PPM1L: variants seen among roughly 807,000 people sequenced by gnomAD.
The protein encoded by PPM1L is protein phosphatase 1L.
Under a neutral mutation model 31.4 loss-of-function variants are expected in PPM1L, and 13 were observed. The observed-to-expected ratio is 0.41, with a 90% CI of 0.27 to 0.66. PPM1L has a LOEUF of 0.66. Ranked by LOEUF, PPM1L falls within the 30% of genes least tolerant of loss-of-function variation. The pLI is 0.29. For missense variants in PPM1L, 326 were observed against 453.7 expected (o/e 0.72, Z 2.56); for synonymous variants, 184 against 175.4 (o/e 1.05, Z -0.39).
rs550397805 is a variant in PPM1L at position 160,769,399 on chromosome 3, T to C, written c.399+12692T>C. On this transcript the variant is annotated intron_variant, in intron 1 of 3. Transcript: ENST00000498165. ...GACTTCAGAAAAGAGTAAACCTTCTTATTTTTGGATTGTCTTAGGGATGGT... is the reference window on the plus strand; with the variant it reads ...GACTTCAGAAAAGAGTAAACCTTCTCATTTTTGGATTGTCTTAGGGATGGT... 2.6e-5 allele frequency among the ~76,000 whole-genome samples: 4 copies of C among 152,292 alleles called. No homozygotes were observed. The South Asian group carries it at 8.3e-4, about 32-fold the overall frequency.
At chr3:160,927,436 A>G (rs1194529829) in intron 1 of PPM1L, among the ~76,000 whole-genome samples, 1 of 152,228 alleles carries the variant, frequency 6.6e-6, no homozygotes, top group Non-Finnish European at 1.5e-5. Context: ...AAAAAACCCT[A>G]CATAGCATTT....
At chr3:161,042,267 A>T (rs1055786528) in intron 2 of PPM1L, among the ~76,000 whole-genome samples, 1 of 152,194 alleles carries the variant, frequency 6.6e-6, no homozygotes, top group Non-Finnish European at 1.5e-5. Flanking sequence ...TTTGTTTCTG[A>T]GTTCACAACA....
intron 2 of PPM1L, among the ~76,000 whole-genome samples, chr3:160,979,090 G>A (rs190735553): frequency 6.6e-6 from 1 of 152,074 alleles, no homozygotes; most frequent in East Asian, 1.9e-4. Flanking sequence ...GGCTCAACAG[G>A]ACAGGATCCT....
At position 160,811,507 on chromosome 3, in the gene PPM1L, C is replaced by T. The variant is rs58943821; in HGVS notation, c.399+54800C>T. Among the ~76,000 whole-genome samples the T allele has an allele frequency of 5.8e-4, 89 of 152,350 alleles. No individual in the cohort carries two copies. The East Asian group carries it at 0.013, about 22-fold the overall frequency. On this transcript the variant is annotated intron_variant, in intron 1 of 3. Coordinates refer to ENST00000498165, the MANE Select transcript of PPM1L (RefSeq NM_139245.4). Reference sequence around the variant, plus strand: ...AATATTCAACAGAAAACCTATGTGACTCAAAAAGCCTAAAATATTCTCTAT... The same window carrying T: ...AATATTCAACAGAAAACCTATGTGATTCAAAAAGCCTAAAATATTCTCTAT...
chr3:160,862,739 T>C (rs1314456538), intron 1 of PPM1L, among the ~76,000 whole-genome samples: 7 of 148,760 alleles, frequency 4.7e-5, no homozygotes, highest in Non-Finnish European at 1.0e-4. Flanking sequence ...AAATCCCCAG[T>C]GAGTTTCAAT....
At chr3:161,029,010 C>T (rs1328295668) in intron 2 of PPM1L, among the ~76,000 whole-genome samples, 1 of 152,164 alleles carries the variant, frequency 6.6e-6, no homozygotes, top group Non-Finnish European at 1.5e-5. Context: ...CCTTTAAGCA[C>T]TTATGGTGAG....
At chr3:160,935,867 A>G (rs1293889600) in intron 1 of PPM1L, among the ~76,000 whole-genome samples, 1 of 152,242 alleles carries the variant, frequency 6.6e-6, no homozygotes, top group Non-Finnish European at 1.5e-5. Context: ...ACATCTGAAC[A>G]ATCCAGTAAA....
intron 2 of PPM1L, among the ~76,000 whole-genome samples, chr3:161,031,544 A>C (rs575028455): frequency 3.2e-5 from 4 of 126,118 alleles, no homozygotes; most frequent in African/African-American, 1.3e-4. Context: ...TCTGTCACCC[A>C]TGCTGGAGTG....
rs553579486 is a variant in PPM1L, at chr3:160,882,762, C to T, written c.400-78974C>T. The stretch of plus-strand genomic sequence containing the variant: ...GTTCCCAGGTCACCCAGTTGTCCTC[C>T]TCAGAGGTCACCAATGTTATTTTAC... On this transcript the variant is annotated intron_variant, in intron 1 of 3. Coordinates refer to ENST00000498165, the MANE Select transcript of PPM1L (RefSeq NM_139245.4). Among the ~76,000 whole-genome samples, 15 of 152,288 alleles carry T rather than the reference C, an allele frequency of 9.8e-5. No individual in the cohort carries two copies. In the East Asian group the frequency reaches 2.9e-3, roughly 29 times the overall value.
intron 1 of PPM1L, among the ~76,000 whole-genome samples, chr3:160,839,727 CTG>C (rs891414964): frequency 2.0e-5 from 3 of 152,158 alleles, no homozygotes; most frequent in African/African-American, 4.8e-5. Context: ...AGTCTTGTGA[CTG>C]TGGTCAGTGA....
At chr3:161,025,889 TATA>T (rs1241305637) in intron 2 of PPM1L, among the ~76,000 whole-genome samples, 3 of 152,356 alleles carry the variant, frequency 2.0e-5, no homozygotes, top group African/African-American at 4.8e-5. Flanking sequence ...TGTATTTTCT[TATA>T]ATAATATTTT....
intron 1 of PPM1L, among the ~76,000 whole-genome samples, chr3:160,943,592 G>A (rs182226216): frequency 2.4e-3 from 360 of 152,258 alleles, no homozygotes; most frequent in African/African-American, 8.4e-3. Context: ...TTCTTAGGAA[G>A]GATACCATTA....
rs1027625570 is a variant in PPM1L at position 160,908,385 on chromosome 3, T to G, written c.400-53351T>G. ...GGAACTATAAAAATAAATACAGTGT[T>G]GTTCACACAAACAAATAATTTTTGC... On this transcript the variant is annotated intron_variant, in intron 1 of 3. Coordinates refer to ENST00000498165, the MANE Select transcript of PPM1L (RefSeq NM_139245.4). Among the ~76,000 whole-genome samples the G allele has an allele frequency of 3.3e-5, 5 of 152,232 alleles. No homozygotes were observed. In the East Asian group the frequency reaches 9.6e-4, roughly 29 times the overall value.
At chr3:160,927,113 C>T (rs1714621278) in intron 1 of PPM1L, among the ~76,000 whole-genome samples, 1 of 152,086 alleles carries the variant, frequency 6.6e-6, no homozygotes. Context: ...TTTTCTGCAC[C>T]TTTACCTTTG....
At chr3:160,996,771 A>G (rs755368332) in intron 2 of PPM1L, among the ~76,000 whole-genome samples, 82 of 152,324 alleles carry the variant, frequency 5.4e-4, no homozygotes, top group Non-Finnish European at 5.6e-4. Flanking sequence ...TGTTCCCCAA[A>G]AACCTATTGA....
At chr3:160,943,146 G>A (rs1207375926) in intron 1 of PPM1L, among the ~76,000 whole-genome samples, 2 of 152,128 alleles carry the variant, frequency 1.3e-5, no homozygotes. Context: ...GCCAATGGAG[G>A]AGAACCAAGA....
intron 2 of PPM1L, among the ~76,000 whole-genome samples, chr3:161,019,837 G>A (rs868373944): frequency 2.0e-5 from 3 of 152,034 alleles, no homozygotes; most frequent in South Asian, 2.1e-4. Flanking sequence ...ACTATAAAAT[G>A]TTGTGCTGCT....
Position 160,783,607 on chromosome 3 carries a change from AAAAAAAAG to A in PPM1L, c.399+26906_399+26913del, listed in dbSNP as rs1335504778. ...AAGAGCGAAACTCCATCTCAAAAAA[AAAAAAAAG>A]AAAAAGAAAGAAAGAAAGAAAGAAA... On this transcript the variant is annotated intron_variant, in intron 1 of 3. Coordinates refer to ENST00000498165, the MANE Select transcript of PPM1L (RefSeq NM_139245.4). 5.3e-3 allele frequency among the ~76,000 whole-genome samples: 807 copies of A among 151,878 alleles called. 9 individuals are homozygous for A. Among genetic ancestry groups the A allele is most frequent in the African/African-American group, 0.018 (756 of 41,394 alleles).
chr3:161,000,652 T>C (rs1717452077), intron 2 of PPM1L, among the ~76,000 whole-genome samples: 1 of 152,212 alleles, frequency 6.6e-6, no homozygotes, highest in South Asian at 2.1e-4. Context: ...CTTATTTATA[T>C]TGATTGCAAT....
Sources: gnomAD v4.1 joint callset for allele counts (sites outside exome capture counted in the v4.1 genomes callset) on GRCh38, gnomAD v4.1.1 for gene constraint, MANE v1.5 for transcripts, NCBI Gene and HGNC (gene_info 2026-07-23, HGNC 2026-07-21) for gene names.